NRXN1: variants seen among roughly 807,000 people sequenced by gnomAD.
The protein encoded by NRXN1 is neurexin-1.
A neutral mutation model predicts 150.9 loss-of-function variants in NRXN1; 39 were observed. That is an observed-to-expected ratio of 0.26 (90% CI 0.20 to 0.34). The LOEUF (loss-of-function observed/expected upper bound fraction) is 0.34, where lower values mean the gene tolerates loss of function less well. Among genes scored for constraint, NRXN1 ranks in the 10% least tolerant of loss-of-function variants. NRXN1 has a pLI of 1.00. For synonymous variants in NRXN1, 924 were observed against 757.0 expected (o/e 1.22, Z -3.62); for missense variants, 1,815 against 1,949.9 (o/e 0.93, Z 1.30).
At chr2:50,979,828 C>T (rs1696501927) in intron 2 of NRXN1, among the ~76,000 whole-genome samples, 1 of 152,112 alleles carries the variant, frequency 6.6e-6, no homozygotes, top group Admixed American at 6.6e-5. Flanking sequence ...CACTGTCAAC[C>T]TTTAATATCT....
chr2:50,271,747 G>C (rs1359634105), intron 17 of NRXN1, among the ~76,000 whole-genome samples: 1 of 152,032 alleles, frequency 6.6e-6, no homozygotes, highest in Non-Finnish European at 1.5e-5. Context: ...GACTGGCATT[G>C]CTAAAAAATG....
rs139669607 is a variant in NRXN1 at position 50,473,272 on chromosome 2, T to C, written c.3071-801A>G. On this transcript the variant is annotated intron_variant, in intron 15 of 22. Transcript: ENST00000401669. ...TTTCAACTTATTTTTCTAATTTTAT[T>C]GCAGTTTCTAATGGAAGACATTGCT... Among the ~76,000 whole-genome samples the C allele has an allele frequency of 1.6e-3, 244 of 152,112 alleles. 1 individual carries two copies. Among genetic ancestry groups the C allele is most frequent in the African/African-American group, 5.6e-3 (232 of 41,540 alleles).
intron 15 of NRXN1, among the ~76,000 whole-genome samples, chr2:50,495,520 G>T (rs1028569126): frequency 1.3e-5 from 2 of 151,746 alleles, no homozygotes; most frequent in East Asian, 3.9e-4. Flanking sequence ...ACCTTACCAA[G>T]GAAAGAAAAC....
At chr2:50,883,239 T>G (rs540419109) in intron 5 of NRXN1, among the ~76,000 whole-genome samples, 10 of 151,996 alleles carry the variant, frequency 6.6e-5, no homozygotes, top group South Asian at 2.1e-4. Context: ...ATGGTCTTCA[T>G]GTTAGGCATT....
intron 17 of NRXN1, among the ~76,000 whole-genome samples, chr2:50,330,755 A>G (rs1281985438): frequency 1.3e-5 from 2 of 152,218 alleles, no homozygotes; most frequent in East Asian, 1.9e-4. Flanking sequence ...TTACTGCCAT[A>G]GGAATTACCT....
At chr2:49,987,600 T>C (rs1465201258) in intron 21 of NRXN1, among the ~76,000 whole-genome samples, 4 of 152,136 alleles carry the variant, frequency 2.6e-5, no homozygotes, top group East Asian at 3.9e-4. Flanking sequence ...CATTGATAGA[T>C]TGAAGCCTAT....
chr2:50,946,732 C>T (rs1367387861), intron 2 of NRXN1, among the ~76,000 whole-genome samples: 3 of 151,954 alleles, frequency 2.0e-5, no homozygotes, highest in Non-Finnish European at 4.4e-5. Context: ...TTTAAAAAAA[C>T]GCAAGACTTA....
intron 17 of NRXN1, among the ~76,000 whole-genome samples, chr2:50,298,399 T>C (rs987184114): frequency 2.0e-5 from 3 of 152,208 alleles, no homozygotes; most frequent in African/African-American, 7.2e-5. Flanking sequence ...AGCTTTTTTC[T>C]TGAACACTTG....
At chr2:50,948,920 T>C (rs1389262641) in intron 2 of NRXN1, among the ~76,000 whole-genome samples, 1 of 152,004 alleles carries the variant, frequency 6.6e-6, no homozygotes, top group Non-Finnish European at 1.5e-5. Context: ...TTTCCATGAA[T>C]TCAATATGGC....
intron 5 of NRXN1, among the ~76,000 whole-genome samples, chr2:50,804,429 G>C (rs1404894295): frequency 6.6e-6 from 1 of 152,144 alleles, no homozygotes; most frequent in Non-Finnish European, 1.5e-5. Flanking sequence ...TTATAGGTGA[G>C]GGATGTAATC....
chr2:50,039,816 C>A (rs1303038349), intron 21 of NRXN1, among the ~76,000 whole-genome samples: 1 of 152,126 alleles, frequency 6.6e-6, no homozygotes, highest in African/African-American at 2.4e-5. Context: ...AAAAACAAAA[C>A]TATAGAAAAC....
At chr2:50,585,161 G>A (rs1261729512) in intron 8 of NRXN1, among the ~76,000 whole-genome samples, 2 of 152,146 alleles carry the variant, frequency 1.3e-5, no homozygotes, top group African/African-American at 2.4e-5. Flanking sequence ...GGTGTTCGGT[G>A]TGCTTAGTAA....
At chr2:50,138,230 A>T (rs916109488) in intron 18 of NRXN1, among the ~76,000 whole-genome samples, 1 of 152,220 alleles carries the variant, frequency 6.6e-6, no homozygotes, top group African/African-American at 2.4e-5. Context: ...TGGAATTTTT[A>T]AACACATTTA....
intron 17 of NRXN1, among the ~76,000 whole-genome samples, chr2:50,255,130 C>A (rs1013541371): frequency 6.6e-6 from 1 of 151,790 alleles, no homozygotes; most frequent in African/African-American, 2.4e-5. Flanking sequence ...TTTATAATAA[C>A]GGTTATAAAA....
intron 21 of NRXN1, among the ~76,000 whole-genome samples, chr2:50,017,503 A>T (rs1487576047): frequency 1.3e-5 from 2 of 152,086 alleles, no homozygotes; most frequent in African/African-American, 4.8e-5. Context: ...AAATCACAAC[A>T]ATGACAATTT....
At chr2:50,439,611 C>T (rs543417332) in intron 17 of NRXN1, among the ~76,000 whole-genome samples, 6 of 152,046 alleles carry the variant, frequency 3.9e-5, no homozygotes, top group African/African-American at 1.4e-4. Context: ...TTGAGACCAT[C>T]CTGGCTAACA....
In NRXN1 at chr2:50,675,828, T is replaced by A. The variant is rs138121290; in HGVS notation, c.833-52213A>T. Among the ~76,000 whole-genome samples, 58 of 152,180 alleles carry A rather than the reference T, an allele frequency of 3.8e-4. 1 individual carries two copies. The East Asian group carries it at 9.3e-3, about 24-fold the overall frequency. On this transcript the variant is annotated intron_variant, in intron 5 of 22. Coordinates refer to ENST00000401669, the MANE Select transcript of NRXN1 (RefSeq NM_001330078.2). ...GCTAAGAATATCCATAATTAACAAATCAATATGTTCTAGTTATCTGCAGTG... is the reference window on the plus strand; with the variant it reads ...GCTAAGAATATCCATAATTAACAAAACAATATGTTCTAGTTATCTGCAGTG...
chr2:50,041,881 G>T (rs768136540), intron 21 of NRXN1, among the ~76,000 whole-genome samples: 23 of 152,058 alleles, frequency 1.5e-4, no homozygotes, highest in Non-Finnish European at 2.6e-4. Flanking sequence ...CTGGAACAGG[G>T]TTTTACACAT....
At chr2:50,373,180 C>T (rs2080152066) in intron 17 of NRXN1, among the ~76,000 whole-genome samples, 1 of 151,772 alleles carries the variant, frequency 6.6e-6, no homozygotes, top group African/African-American at 2.4e-5. Context: ...CTGCCTGGTT[C>T]CCTGTGAGCC....
Sources: allele counts gnomAD v4.1 joint callset (sites outside exome capture counted in the v4.1 genomes callset), GRCh38; gene constraint gnomAD v4.1.1; transcripts MANE v1.5; gene names NCBI Gene and HGNC (gene_info 2026-07-23, HGNC 2026-07-21).